STX12: variants seen among roughly 807,000 people sequenced by gnomAD.
STX12 encodes the protein syntaxin 12.
A neutral mutation model predicts 42.2 loss-of-function variants in STX12; 17 were observed. That is an observed-to-expected ratio of 0.40 (90% CI 0.28 to 0.60). The LOEUF (loss-of-function observed/expected upper bound fraction) is 0.60, where lower values mean the gene tolerates loss of function less well. STX12 is among the 20% of genes least tolerant of loss of function. The probability of loss-of-function intolerance (pLI) is 0.39; values close to 1 mark genes in which losing one functional copy is unlikely to be tolerated. For synonymous variants in STX12, 108 were observed against 116.7 expected (o/e 0.93, Z 0.48); for missense variants, 297 against 330.9 (o/e 0.90, Z 0.79).
At chr1:27,781,309 G>T (rs1490210810) in intron 1 of STX12, among the ~76,000 whole-genome samples, 1 of 152,116 alleles carries the variant, frequency 6.6e-6, no homozygotes, top group Non-Finnish European at 1.5e-5. Flanking sequence ...CTCCCAAAGT[G>T]CTGGGATTAT....
At position 27,792,152 on chromosome 1, in the gene STX12, G is replaced by GTATATACATA. The variant is rs1319234182; in HGVS notation, c.189-1380_189-1379insATATACATAT. Among the ~76,000 whole-genome samples the GTATATACATA allele has an allele frequency of 4.4e-5, 4 of 91,538 alleles. 1 individual carries two copies. The highest frequency in any genetic ancestry group is 3.4e-4 in the African/African-American group (3 of 8,770). 60.1% of individuals were successfully genotyped at this position (91,538 alleles called of 152,430 possible). On this transcript the variant is annotated intron_variant, in intron 2 of 8. Coordinates refer to ENST00000373943, the MANE Select transcript of STX12 (RefSeq NM_177424.3). ...TCTATATATGTATATATCTATATAT[G>GTATATACATA]TGTATCTATATATGTATATACATAT...
chr1:27,799,071 C>G (rs2088809272), intron 3 of STX12, among the ~76,000 whole-genome samples: 2 of 152,062 alleles, frequency 1.3e-5, no homozygotes, highest in African/African-American at 2.4e-5. Flanking sequence ...ATGATGTCCT[C>G]CCCGTTATTG....
intron 4 of STX12, 62 bp downstream of exon 4, chr1:27,801,877 GT>G (rs1449983678): frequency 8.5e-6 from 13 of 1,535,742 alleles, no homozygotes; most frequent in Middle Eastern, 1.7e-4. Flanking sequence ...AAGTTTGTGG[GT>G]TTTTTTCTTT....
intron 1 of STX12, among the ~76,000 whole-genome samples, chr1:27,788,096 G>A (rs2088711186): frequency 6.6e-6 from 1 of 152,158 alleles, no homozygotes; most frequent in Non-Finnish European, 1.5e-5. Flanking sequence ...ATTGTGTTAT[G>A]TGATTTCTTG....
chr1:27,788,511 T>C (rs2088713926), intron 1 of STX12, among the ~76,000 whole-genome samples: 1 of 152,130 alleles, frequency 6.6e-6, no homozygotes, highest in Non-Finnish European at 1.5e-5. Context: ...TTCCTAGTCT[T>C]AGCAAATATC....
intron 5 of STX12, among the ~76,000 whole-genome samples, chr1:27,811,318 A>G (rs2088902057): frequency 7.7e-6 from 1 of 130,612 alleles, no homozygotes; most frequent in African/African-American, 2.9e-5. Context: ...AAAAAAAAAA[A>G]AAAAAGCCAG....
At chr1:27,814,530 A>G (rs2148607208) in intron 6 of STX12, among the ~76,000 whole-genome samples, 1 of 149,558 alleles carries the variant, frequency 6.7e-6, no homozygotes, top group East Asian at 1.9e-4. Context: ...TCTGTCTCAA[A>G]TAATAATAAT....
chr1:27,808,637 C>T (rs1036929740), intron 4 of STX12, among the ~76,000 whole-genome samples: 8 of 152,052 alleles, frequency 5.3e-5, no homozygotes, highest in Admixed American at 6.6e-5. Flanking sequence ...CATGAGCCAC[C>T]GCACCCAGCC....
intron 8 of STX12, 68 bp downstream of exon 8, chr1:27,819,800 A>G: frequency 7.2e-7 from 1 of 1,379,700 alleles, no homozygotes; most frequent in Non-Finnish European, 1.0e-6. Context: ...GTACATTGAC[A>G]TATTGAGAAC....
At chr1:27,818,754 C>A (rs985028537) in intron 7 of STX12, among the ~76,000 whole-genome samples, 7 of 151,850 alleles carry the variant, frequency 4.6e-5, no homozygotes, top group African/African-American at 1.7e-4. Flanking sequence ...CTCAGCCTCC[C>A]GAGTAGCTGG....
chr1:27,800,965 A>G (rs1361413958), intron 3 of STX12, among the ~76,000 whole-genome samples: 1 of 152,260 alleles, frequency 6.6e-6, no homozygotes, highest in Non-Finnish European at 1.5e-5. Context: ...TGTGAATTCA[A>G]TATAGATGAA....
intron 4 of STX12, among the ~76,000 whole-genome samples, chr1:27,804,852 ATTTAC>A (rs948606643): frequency 6.6e-6 from 1 of 152,034 alleles, no homozygotes; most frequent in African/African-American, 2.4e-5. Context: ...AGACTGGGTA[ATTTAC>A]TTTAATTTAT....
chr1:27,801,741 C>T lies in STX12; in HGVS notation c.352C>T (p.Gln118Ter), dbSNP rs2088829601. 1 of 1,593,486 alleles carries T rather than the reference C, an allele frequency of 6.3e-7. No individual in the cohort carries two copies. Among genetic ancestry groups the T allele is most frequent in the Non-Finnish European group, 8.5e-7 (1 of 1,172,618 alleles). ...NDFSAALNNF[Q>*]AVQRRVSEKE... ...CTTCTCTGCAGCCTTAAACAATTTCCAGGCTGTGCAGAGAAGGGTATCTGA... is the reference window on the plus strand; with the variant it reads ...CTTCTCTGCAGCCTTAAACAATTTCTAGGCTGTGCAGAGAAGGGTATCTGA... The change falls in exon 4 of 9, where the codon CAG (glutamine) becomes TAG (stop). Residue 118 changes from glutamine (Q) to a stop codon, truncating the protein, a stop_gained. Coordinates refer to ENST00000373943, the MANE Select transcript of STX12 (RefSeq NM_177424.3). LOFTEE classifies it high-confidence loss of function.
intron 4 of STX12, among the ~76,000 whole-genome samples, chr1:27,802,846 G>A (rs1454704869): frequency 6.6e-6 from 1 of 152,102 alleles, no homozygotes; most frequent in East Asian, 1.9e-4. Flanking sequence ...AGAATTATAA[G>A]ACAACTATAC....
intron 1 of STX12, among the ~76,000 whole-genome samples, chr1:27,776,642 A>G (rs1571513953): frequency 6.6e-6 from 1 of 152,206 alleles, no homozygotes; most frequent in Non-Finnish European, 1.5e-5. Context: ...TCTTGAGCCC[A>G]GGAGTTGGAG....
chr1:27,799,521 T>C (rs1313279802), intron 3 of STX12, among the ~76,000 whole-genome samples: 2 of 149,064 alleles, frequency 1.3e-5, no homozygotes, highest in Non-Finnish European at 2.9e-5. Flanking sequence ...CTGGCTCTTT[T>C]GCTCAGTCTG....
chr1:27,788,214 G>C (rs577164259), intron 1 of STX12, among the ~76,000 whole-genome samples: 8 of 152,210 alleles, frequency 5.3e-5, no homozygotes, highest in African/African-American at 1.9e-4. Context: ...GAATGCTCTT[G>C]GAAAACAAGC....
intron 1 of STX12, among the ~76,000 whole-genome samples, chr1:27,785,030 G>C (rs1416900823): frequency 1.3e-5 from 2 of 151,914 alleles, no homozygotes; most frequent in African/African-American, 2.4e-5. Flanking sequence ...ATTATTAATT[G>C]ATTTTTTCAT....
intron 1 of STX12, among the ~76,000 whole-genome samples, chr1:27,778,093 C>T (rs2088639070): frequency 6.6e-6 from 1 of 152,138 alleles, no homozygotes; most frequent in African/African-American, 2.4e-5. Context: ...CCATACAGCC[C>T]TGCAAGGACT....
Sources: allele counts gnomAD v4.1 joint callset (sites outside exome capture counted in the v4.1 genomes callset), GRCh38; gene constraint gnomAD v4.1.1; transcripts MANE v1.5; gene names NCBI Gene and HGNC (gene_info 2026-07-23, HGNC 2026-07-21).